ZNF565: variants seen among roughly 807,000 people sequenced by gnomAD.
ZNF565 encodes the protein zinc finger protein 565.
ZNF565 carries 27 observed loss-of-function variants against 39.4 expected under a neutral mutation model. The ratio of observed to expected loss-of-function variants is 0.69; its 90% CI spans 0.51 to 0.95. The LOEUF (loss-of-function observed/expected upper bound fraction) is 0.95, where lower values mean the gene tolerates loss of function less well. Among genes scored for constraint, ZNF565 ranks in the 40% least tolerant of loss-of-function variants. The probability of loss-of-function intolerance (pLI) is 0.00; values close to 1 mark genes in which losing one functional copy is unlikely to be tolerated. For synonymous variants in ZNF565, 185 were observed against 216.6 expected, an observed-to-expected ratio of 0.85 and a Z score of 1.28; for missense variants, 524 against 621.1, an observed-to-expected ratio of 0.84 and a Z score of 1.66.
chr19:36,183,247 A>G lies in ZNF565; in HGVS notation c.719T>C (p.Leu240Pro). 6.2e-7 allele frequency: 1 copy of G among 1,613,952 alleles called. No individual in the cohort carries two copies. Among genetic ancestry groups the G allele is most frequent in the East Asian group, 2.2e-5 (1 of 44,840 alleles). The change falls in exon 5 of 5, where the codon CTA (leucine) becomes CCA (proline). Residue 240 changes from leucine (L) to proline (P), a missense_variant. Coordinates refer to ENST00000304116, the MANE Select transcript of ZNF565 (RefSeq NM_152477.5). ...GACACCAGTATGAAGTCTCTGATGT[A>G]GAATAAGTTCTGATGTACGACCAAA... is the stretch of plus-strand genomic sequence containing the variant. ...KAFGRTSELILHQRLHTGVKP... is the reference protein window; with the variant it reads ...KAFGRTSELIPHQRLHTGVKP...
intron 1 of ZNF565, among the ~76,000 whole-genome samples, chr19:36,232,448 A>G (rs1977423279): frequency 6.6e-6 from 1 of 151,956 alleles, no homozygotes; most frequent in Non-Finnish European, 1.5e-5. Flanking sequence ...TACCTTAAAC[A>G]TGGTTTTAGA....
At chr19:36,206,851 GTA>G (rs1976174659) in intron 1 of ZNF565, among the ~76,000 whole-genome samples, 1 of 152,084 alleles carries the variant, frequency 6.6e-6, no homozygotes, top group South Asian at 2.1e-4. Flanking sequence ...AACAACATAT[GTA>G]TATATAGATG....
upstream of ZNF565, among the ~76,000 whole-genome samples, chr19:36,217,149 G>GC (rs527556677): frequency 1.5e-5 from 2 of 129,090 alleles, no homozygotes; most frequent in African/African-American, 2.9e-5. Flanking sequence ...TGCAACCTCT[G>GC]CCCCCCAGGT....
chr19:36,183,636 C>CA lies in ZNF565; in HGVS notation c.329dup (p.Glu111GlyfsTer6). 1 of 1,614,184 alleles carries CA rather than the reference C, an allele frequency of 6.2e-7. No individual in the cohort carries two copies. The highest frequency in any genetic ancestry group is 8.5e-7 in the Non-Finnish European group (1 of 1,180,040). On this transcript the variant is annotated frameshift_variant, in exon 5 of 5. Transcript: ENST00000304116. LOFTEE classifies it low-confidence loss of function (END_TRUNC). ...AGTCAGCTCTAAAATCGGAGCCCTCCAGGTCACTGCATTTAAGGCTTTCCA... is the reference window on the plus strand; with the variant it reads ...AGTCAGCTCTAAAATCGGAGCCCTCCAAGGTCACTGCATTTAAGGCTTTCCA...
chr19:36,183,674 T>G lies in ZNF565; in HGVS notation c.292A>C (p.Asn98His). The change falls in exon 5 of 5, where the codon AAC (asparagine) becomes CAC (histidine). Residue 98 changes from asparagine to histidine, a missense_variant. By Grantham distance (68) the Asn-to-His change is moderately conservative. Coordinates refer to ENST00000304116, the MANE Select transcript of ZNF565 (RefSeq NM_152477.5). ...QKDIFEIGAF[N>H]WEIMESLKCS... ...TTAAGGCTTTCCATTATCTCCCAGT[T>G]GAATGCCCCGATTTCAAAAATGTCT... is the stretch of plus-strand genomic sequence containing the variant. The G allele has an allele frequency of 6.2e-7, 1 of 1,613,512 alleles. No individual in the cohort carries two copies. Among genetic ancestry groups the G allele is most frequent in the Non-Finnish European group, 8.5e-7 (1 of 1,179,684 alleles).
At chr19:36,230,727 A>T (rs1305712712) in intron 1 of ZNF565, among the ~76,000 whole-genome samples, 1 of 152,190 alleles carries the variant, frequency 6.6e-6, no homozygotes, top group Non-Finnish European at 1.5e-5. Flanking sequence ...TGGTTAGGTA[A>T]CAGGTCAAAT....
rs1301901603 is a variant in ZNF565, at chr19:36,182,568, C to T, written c.1398G>A (p.Gln466=). 6.2e-7 allele frequency: 1 copy of T among 1,613,874 alleles called. No homozygotes were observed. The highest frequency in any genetic ancestry group is 1.3e-5 in the African/African-American group (1 of 74,926). Residue 466 remains glutamine, a synonymous_variant, in exon 5 of 5, where the codon CAG becomes CAA. Transcript: ENST00000304116. ...AAGGTTTGATACCAGGATGAATTCT[C>T]TGATGTTCGGTAAGTTGTGAACTAC... ...FIRSSQLTEH[Q]RIHPGIKPYE...
chr19:36,193,441 CTTTTTTTTT>C (rs918390781), intron 4 of ZNF565, among the ~76,000 whole-genome samples: 1 of 131,854 alleles, frequency 7.6e-6, no homozygotes, highest in Non-Finnish European at 1.6e-5. Context: ...TTTCTTTTTT[CTTTTTTTTT>C]TTTTTTTTGA....
At chr19:36,214,689 A>G (rs1012347882), upstream of ZNF565, 3 of 152,696 alleles carry the variant, frequency 2.0e-5, no homozygotes, top group African/African-American at 7.2e-5. Context: ...GTCAAGAACG[A>G]CGTAACGTCA....
At chr19:36,243,889 CAG>C (rs771098635) in intron 1 of ZNF565, among the ~76,000 whole-genome samples, 5 of 152,052 alleles carry the variant, frequency 3.3e-5, no homozygotes, top group Non-Finnish European at 5.9e-5. Flanking sequence ...TTTGTAGAGA[CAG>C]GGGTCTCACT....
chr19:36,182,126 A>G, downstream of ZNF565: 1 of 197,144 alleles, frequency 5.1e-6, no homozygotes, highest in Non-Finnish European at 1.0e-5. Context: ...TGCTGGGATT[A>G]CAGGCATGAG....
Position 36,245,454 on chromosome 19 carries a change from C to T in ZNF565, c.55+22G>A, listed in dbSNP as rs1418372585. The T allele has an allele frequency of 1.4e-6, 1 of 702,154 alleles. No homozygotes were observed. Among genetic ancestry groups the T allele is most frequent in the African/African-American group, 1.7e-5 (1 of 57,242 alleles). 43.5% of individuals were successfully genotyped at this position (702,154 alleles called of 1,614,324 possible). A position where few individuals can be genotyped will look rare whatever the true frequency, so the allele number is the denominator to read the frequency against. On this transcript the variant is annotated intron_variant, in intron 1 of 4. Coordinates refer to the ZNF565 transcript ENST00000355114. This position sits in a 1 kb window ranked among gnomAD's most constrained non-coding sequence, Gnocchi z 4.4. The stretch of plus-strand genomic sequence containing the variant: ...AATCCGGATCACATTTCCCGTGGTC[C>T]ACCGCGCATCTAGGAGGTTACCTGC...
chr19:36,220,633 TG>T lies in ZNF565; in HGVS notation c.56-18584del, dbSNP rs575240989. ...TGCCCACCTTGGCCTCCCAAAGCGC[TG>T]GGATTACAGGCGTGAGCCACGGCGC... On this transcript the variant is annotated intron_variant, in intron 1 of 4. Transcript: ENST00000355114. Among the ~76,000 whole-genome samples the T allele has an allele frequency of 1.2e-3, 190 of 152,302 alleles. 1 individual carries two copies. Among genetic ancestry groups the T allele is most frequent in the Non-Finnish European group, 2.2e-3 (148 of 68,026 alleles).
At chr19:36,201,415 G>A (rs1975961455) in intron 2 of ZNF565, among the ~76,000 whole-genome samples, 1 of 152,156 alleles carries the variant, frequency 6.6e-6, no homozygotes, top group Non-Finnish European at 1.5e-5. Context: ...TGATAAGGGA[G>A]ACTCTCATAT....
chr19:36,183,318 A>T lies in ZNF565; in HGVS notation c.648T>A (p.Ile216=), dbSNP rs1420779045. 1 of 1,613,702 alleles carries T rather than the reference A, an allele frequency of 6.2e-7. No homozygotes were observed. The highest frequency in any genetic ancestry group is 8.5e-7 in the Non-Finnish European group (1 of 1,179,924). The change falls in exon 5 of 5, where the codon ATT becomes ATA. Residue 216 remains isoleucine (I), a synonymous_variant. Transcript: ENST00000304116. ...AGTCATAAGGTTTCTCACCCGTGTG[A>T]ATTCTCTGATGCTGAACAAGGTGTG... The part of the protein sequence containing the change: ...RASHLVQHQR[I]HTGEKPYDCK...
chr19:36,214,134 A>G (rs887954887), intron 1 of ZNF565, among the ~76,000 whole-genome samples: 19 of 152,036 alleles, frequency 1.2e-4, no homozygotes, highest in African/African-American at 4.3e-4. Flanking sequence ...ACTCCCGCAT[A>G]CACAGCACCA....
chr19:36,182,722 C>T lies in ZNF565; in HGVS notation c.1244G>A (p.Gly415Asp). 3 of 1,614,120 alleles carry T rather than the reference C, an allele frequency of 1.9e-6. No homozygotes were observed. Among genetic ancestry groups the T allele is most frequent in the Non-Finnish European group, 2.5e-6 (3 of 1,180,028 alleles). The change falls in exon 5 of 5, where the codon GGT (glycine) becomes GAT (aspartate). Residue 415 changes from glycine (G) to aspartate (D), a missense_variant. Transcript: ENST00000304116. ...TTCCTTACATTCGTAGGGTTTGTCA[C>T]CTGTATGAATTCTTTGATGTTGAAT... ...YLIQHQRIHT[G>D]DKPYECKECG... is the part of the protein sequence containing the mutation.
rs957289981 is a variant in ZNF565 at position 36,192,130 on chromosome 19, A to G, written c.232+2103T>C. The stretch of plus-strand genomic sequence containing the variant: ...CAGCCTCCTGAGTAGCTGGGACTAC[A>G]GGCACCCGCCACCACGCCCAGCTAA... On this transcript the variant is annotated intron_variant, in intron 4 of 4. Transcript: ENST00000304116. 2.0e-5 allele frequency among the ~76,000 whole-genome samples: 3 copies of G among 151,720 alleles called. No homozygotes were observed. In the East Asian group the frequency reaches 5.8e-4, roughly 30 times the overall value.
chr19:36,244,116 C>A (rs888724188), intron 1 of ZNF565, among the ~76,000 whole-genome samples: 1 of 141,496 alleles, frequency 7.1e-6, no homozygotes. Context: ...AAAAAAGACC[C>A]ATGGGATCCC....
Sources: gnomAD v4.1 joint callset for allele counts (sites outside exome capture counted in the v4.1 genomes callset) on GRCh38, gnomAD v4.1.1 for gene constraint, Gnocchi (gnomAD v3.1) non-coding constraint, MANE v1.5 for transcripts, NCBI Gene and HGNC (gene_info 2026-07-23, HGNC 2026-07-21) for gene names.